The following ESR1 variants were observed in gnomAD, a reference collection of about 807,000 sequenced individuals.
The protein encoded by ESR1 is estrogen receptor.
Under a neutral mutation model 52.7 loss-of-function variants are expected in ESR1, and 12 were observed. The observed-to-expected ratio is 0.23, with a 90% confidence interval of 0.15 to 0.37. ESR1 has a LOEUF of 0.37. Among genes scored for constraint, ESR1 ranks in the 10% least tolerant of loss-of-function variants. ESR1 has a pLI of 1.00. For synonymous variants in ESR1, 305 were observed against 316.8 expected, an observed-to-expected ratio of 0.96 and a Z score of 0.39; for missense variants, 584 against 779.7, an observed-to-expected ratio of 0.75 and a Z score of 2.99.
chr6:151,747,815 T>G lies in ESR1; in HGVS notation c.-71+45810T>G, dbSNP rs540675647. The stretch of plus-strand genomic sequence containing the variant: ...TTATATTGCAGCATGTATCAGTACT[T>G]CATTCTTTTTATTGCCAAATAAGAC... On this transcript the variant is annotated intron_variant, in intron 2 of 2. Transcript: ENST00000404742. Among the ~76,000 whole-genome samples the G allele has an allele frequency of 1.3e-4, 20 of 152,358 alleles. No homozygotes were observed. In the South Asian group the frequency reaches 4.1e-3, roughly 32 times the overall value.
At chr6:151,855,718 T>C (rs1787708820) in intron 2 of ESR1, among the ~76,000 whole-genome samples, 1 of 152,114 alleles carries the variant, frequency 6.6e-6, no homozygotes, top group Non-Finnish European at 1.5e-5. Context: ...GCACTATAAG[T>C]GATGCCTCAA....
intron 2 of ESR1, among the ~76,000 whole-genome samples, chr6:151,873,483 G>A (rs548489195): frequency 1.3e-5 from 2 of 152,192 alleles, no homozygotes; most frequent in Admixed American, 6.5e-5. Flanking sequence ...GTGAGCACAA[G>A]TGTGAAATGA....
At chr6:151,820,255 C>A (rs749501439) in intron 1 of ESR1, among the ~76,000 whole-genome samples, 4 of 152,136 alleles carry the variant, frequency 2.6e-5, no homozygotes, top group Non-Finnish European at 4.4e-5. Flanking sequence ...AGAGCTCCAG[C>A]CCAGTTCCTT....
At chr6:151,775,834 A>G (rs1382576448) in intron 2 of ESR1, among the ~76,000 whole-genome samples, 4 of 152,166 alleles carry the variant, frequency 2.6e-5, no homozygotes, top group African/African-American at 9.7e-5. Flanking sequence ...AATCTACAGA[A>G]GATATTGTTC....
At chr6:151,969,175 G>A (rs538667822) in intron 4 of ESR1, among the ~76,000 whole-genome samples, 85 of 152,286 alleles carry the variant, frequency 5.6e-4, no homozygotes, top group Non-Finnish European at 1.0e-3. Flanking sequence ...CCTCTGATGT[G>A]TTGGGTTGTT....
intron 5 of ESR1, among the ~76,000 whole-genome samples, chr6:152,059,059 T>C (rs571876943): frequency 1.3e-5 from 2 of 152,276 alleles, no homozygotes; most frequent in South Asian, 2.1e-4. Context: ...AAAATATTAA[T>C]TGGATCTTTT....
At chr6:151,816,836 G>C (rs965479079) in intron 1 of ESR1, among the ~76,000 whole-genome samples, 1 of 152,116 alleles carries the variant, frequency 6.6e-6, no homozygotes, top group Non-Finnish European at 1.5e-5. Context: ...GAGTCCAGGA[G>C]TTCCAGACCA....
intron 2 of ESR1, among the ~76,000 whole-genome samples, chr6:151,851,404 G>A (rs1304901972): frequency 1.3e-5 from 2 of 151,998 alleles, no homozygotes; most frequent in African/African-American, 2.4e-5. Flanking sequence ...TAAAGGTGAG[G>A]GCCCAATATT....
chr6:151,719,576 G>C (rs908138860), intron 2 of ESR1, among the ~76,000 whole-genome samples: 1 of 152,214 alleles, frequency 6.6e-6, no homozygotes, highest in Non-Finnish European at 1.5e-5. Flanking sequence ...GACTCAGGAG[G>C]TGCTGGGGCA....
At chr6:151,914,733 A>G (rs894022100) in intron 3 of ESR1, among the ~76,000 whole-genome samples, 1 of 152,164 alleles carries the variant, frequency 6.6e-6, no homozygotes, top group Non-Finnish European at 1.5e-5. Flanking sequence ...AAATGGGGGT[A>G]AATATCTCAG....
At chr6:151,699,697 G>A (rs1779624174) in intron 1 of ESR1, among the ~76,000 whole-genome samples, 1 of 152,174 alleles carries the variant, frequency 6.6e-6, no homozygotes, top group African/African-American at 2.4e-5. Context: ...TCAATAAGGA[G>A]TGTCATATTA....
intron 3 of ESR1, among the ~76,000 whole-genome samples, chr6:151,937,069 A>C (rs908078442): frequency 2.0e-5 from 3 of 152,148 alleles, no homozygotes; most frequent in Non-Finnish European, 4.4e-5. Flanking sequence ...TAAAAAACAA[A>C]GGTTTTTGGA....
At chr6:151,999,144 A>G (rs2041746207) in intron 4 of ESR1, among the ~76,000 whole-genome samples, 1 of 152,116 alleles carries the variant, frequency 6.6e-6, no homozygotes, top group East Asian at 1.9e-4. Flanking sequence ...AAAGGCAAGA[A>G]ACATGTATTT....
At chr6:152,029,717 G>T (rs1051859475) in intron 5 of ESR1, among the ~76,000 whole-genome samples, 1 of 152,182 alleles carries the variant, frequency 6.6e-6, no homozygotes, top group Non-Finnish European at 1.5e-5. Context: ...AAAACACTCT[G>T]CAGGATATTA....
At chr6:151,661,155 T>C (rs1212775220) in intron 1 of ESR1, among the ~76,000 whole-genome samples, 2 of 152,206 alleles carry the variant, frequency 1.3e-5, no homozygotes, top group African/African-American at 4.8e-5. Flanking sequence ...TTTAGAAAAT[T>C]CTTACAATTT....
At chr6:152,066,891 A>T (rs142910178) in intron 6 of ESR1, among the ~76,000 whole-genome samples, 1 of 152,334 alleles carries the variant, frequency 6.6e-6, no homozygotes, top group East Asian at 1.9e-4. Context: ...AGAAATAATG[A>T]TACTTAAACT....
intron 6 of ESR1, among the ~76,000 whole-genome samples, chr6:152,085,995 G>T (rs555212368): frequency 6.6e-6 from 1 of 152,280 alleles, no homozygotes; most frequent in Non-Finnish European, 1.5e-5. Flanking sequence ...GGCAAGAAAA[G>T]GTAGGATCCA....
intron 3 of ESR1, among the ~76,000 whole-genome samples, chr6:151,901,786 G>A (rs979826444): frequency 6.6e-6 from 1 of 152,158 alleles, no homozygotes; most frequent in Non-Finnish European, 1.5e-5. Flanking sequence ...ACAGTATTTG[G>A]GGTGTCTCCT....
chr6:152,115,023 T>C (rs9383963), intron 6 of ESR1, among the ~76,000 whole-genome samples: 30,813 of 151,940 alleles, frequency 0.2, 3,521 homozygotes, highest in East Asian at 0.36. Flanking sequence ...GTCATGCTCC[T>C]TGATGTAATT....
Sources: allele counts gnomAD v4.1 joint callset (sites outside exome capture counted in the v4.1 genomes callset), GRCh38; gene constraint gnomAD v4.1.1; transcripts MANE v1.5; gene names NCBI Gene and HGNC (gene_info 2026-07-23, HGNC 2026-07-21).